MGRN1: variants seen among roughly 807,000 people sequenced by gnomAD.
MGRN1 encodes E3 ubiquitin-protein ligase MGRN1.
MGRN1 carries 29 observed loss-of-function variants against 69.2 expected under a neutral mutation model. That is an observed-to-expected ratio of 0.42 (90% CI 0.31 to 0.57). The LOEUF is 0.57. Among genes scored for constraint, MGRN1 ranks in the 20% least tolerant of loss-of-function variants. The pLI is 0.15. For missense variants in MGRN1, 998 were observed against 796.2 expected (o/e 1.25, Z -3.05); for synonymous variants, 470 against 344.2 (o/e 1.37, Z -4.04).
At chr16:4,683,387 C>T (rs1262705194) in intron 15 of MGRN1, 118 bp downstream of exon 15, 19 of 1,237,876 alleles carry the variant, frequency 1.5e-5, no homozygotes, top group Admixed American at 6.6e-5. Flanking sequence ...CAGGAACCCT[C>T]GGCCAAGAGG....
chr16:4,676,541 C>T (rs1167219093), intron 10 of MGRN1, among the ~76,000 whole-genome samples: 2 of 152,162 alleles, frequency 1.3e-5, no homozygotes, highest in East Asian at 1.9e-4. Context: ...GGTAGAGGGG[C>T]CCCTCACAGG....
chr16:4,647,613 G>A (rs1047851309), intron 1 of MGRN1, among the ~76,000 whole-genome samples: 6 of 152,230 alleles, frequency 3.9e-5, no homozygotes, highest in Non-Finnish European at 8.8e-5. Context: ...AGTGCGTGCG[G>A]TGACCCCTCA....
chr16:4,650,017 T>C, intron 1 of MGRN1: 2 of 190,624 alleles, frequency 1.0e-5, no homozygotes, highest in South Asian at 7.9e-5. Flanking sequence ...GATAACTGTT[T>C]CCAGGCTGGG....
At chr16:4,677,372 G>T (rs1337426395) in intron 10 of MGRN1, 91 bp from the exon 11 acceptor site, 12 of 973,564 alleles carry the variant, frequency 1.2e-5, no homozygotes, top group South Asian at 1.7e-5. Flanking sequence ...CCCCTATGGT[G>T]TGGGGGGGGT....
At chr16:4,638,020 G>T (rs1249247575) in intron 1 of MGRN1, among the ~76,000 whole-genome samples, 1 of 152,350 alleles carries the variant, frequency 6.6e-6, no homozygotes, top group East Asian at 1.9e-4. Flanking sequence ...CCAGAGCCCT[G>T]TATTTAATAT....
At chr16:4,687,863 GTCT>G (rs1008150629) in intron 16 of MGRN1, 40 of 985,402 alleles carry the variant, frequency 4.1e-5, no homozygotes, top group African/African-American at 8.7e-5. Flanking sequence ...ATGAACCTCT[GTCT>G]TCTTGAGCCC....
At chr16:4,651,896 C>G in intron 2 of MGRN1, 67 bp from the exon 3 acceptor site, 1 of 1,446,202 alleles carries the variant, frequency 6.9e-7, no homozygotes, top group Non-Finnish European at 9.7e-7. Flanking sequence ...CTGCTGCACC[C>G]TGACCCGTTT....
At chr16:4,645,247 C>T (rs1383009865) in intron 1 of MGRN1, among the ~76,000 whole-genome samples, 4 of 151,978 alleles carry the variant, frequency 2.6e-5, no homozygotes, top group South Asian at 4.1e-4. Context: ...ACTGCAGCCT[C>T]GAACTCTTGG....
rs1449630829 is a variant in MGRN1, at chr16:4,657,309, G to C, written c.507G>C (p.Gln169His). 6.2e-7 allele frequency: 1 copy of C among 1,614,196 alleles called. No homozygotes were observed. The highest frequency in any genetic ancestry group is 2.2e-5 in the East Asian group (1 of 44,890). Reference sequence around the variant, plus strand: ...TCCACTACAAGAGAGGGGTGAGCCAGCAGTTCTCCCTGCCCTCCTTCAAGA... The same window carrying C: ...TCCACTACAAGAGAGGGGTGAGCCACCAGTTCTCCCTGCCCTCCTTCAAGA... ...ETVHYKRGVS[Q>H]QFSLPSFKID... Residue 169 changes from glutamine to histidine, a missense_variant, in exon 5 of 17, where the codon CAG becomes CAC. Transcript: ENST00000262370.
intron 8 of MGRN1, among the ~76,000 whole-genome samples, chr16:4,669,682 TCTC>T (rs1567219000): frequency 1.3e-5 from 2 of 152,260 alleles, no homozygotes; most frequent in East Asian, 1.9e-4. Context: ...TGCAACTCCT[TCTC>T]CTCTTCCTTA....
At chr16:4,636,375 G>A (rs1898291784) in intron 1 of MGRN1, among the ~76,000 whole-genome samples, 1 of 152,220 alleles carries the variant, frequency 6.6e-6, no homozygotes, top group Non-Finnish European at 1.5e-5. Context: ...ATGGCCGGGC[G>A]GGGTTTGTGA....
chr16:4,672,278 C>A (rs1171989112), intron 9 of MGRN1: 2 of 448,244 alleles, frequency 4.5e-6, no homozygotes, highest in African/African-American at 2.0e-5. Flanking sequence ...AACTTCTGAT[C>A]TCAAGTGATC....
chr16:4,653,455 G>T (rs978330531), intron 4 of MGRN1, among the ~76,000 whole-genome samples: 2 of 152,160 alleles, frequency 1.3e-5, no homozygotes, highest in African/African-American at 4.8e-5. Flanking sequence ...GGATGGGGCT[G>T]GGCTGAAATT....
At chr16:4,645,915 G>A (rs917370554) in intron 1 of MGRN1, among the ~76,000 whole-genome samples, 2 of 152,210 alleles carry the variant, frequency 1.3e-5, no homozygotes, top group African/African-American at 4.8e-5. Flanking sequence ...TGGTGCCAGA[G>A]GCTCTAACCA....
In MGRN1 at chr16:4,681,672, C is replaced by T. The variant is rs1567235794; in HGVS notation, c.1254C>T (p.Gly418=). The T allele has an allele frequency of 6.2e-7, 1 of 1,613,504 alleles. No homozygotes were observed. Among genetic ancestry groups the T allele is most frequent in the Non-Finnish European group, 8.5e-7 (1 of 1,180,016 alleles). Residue 418 remains glycine, a synonymous_variant, in exon 13 of 17, where the codon GGC becomes GGT. Coordinates refer to ENST00000262370, the MANE Select transcript of MGRN1 (RefSeq NM_015246.4). The part of the protein sequence containing the change: ...APLYEEITYS[G]ISDGLSQASC... ...TTTATGAAGAAATCACCTATTCAGG[C>T]ATCTCGGACGGCCTGTCCCAGGCCA...
At chr16:4,655,749 C>G (rs1399947715) in intron 4 of MGRN1, among the ~76,000 whole-genome samples, 1 of 152,192 alleles carries the variant, frequency 6.6e-6, no homozygotes, top group Non-Finnish European at 1.5e-5. Flanking sequence ...GAGGCTGTGC[C>G]CAGGCACCCG....
At chr16:4,661,204 C>T (rs1596294512) in intron 5 of MGRN1, among the ~76,000 whole-genome samples, 1 of 151,912 alleles carries the variant, frequency 6.6e-6, no homozygotes, top group Middle Eastern at 3.4e-3. Flanking sequence ...GTCTCAAACT[C>T]CCGGGCTCCA....
intron 1 of MGRN1, among the ~76,000 whole-genome samples, chr16:4,636,445 C>T (rs893423525): frequency 3.9e-5 from 6 of 152,084 alleles, no homozygotes; most frequent in South Asian, 2.1e-4. Context: ...TGCCCGTGGA[C>T]GGGCTCCGGG....
intron 1 of MGRN1, among the ~76,000 whole-genome samples, chr16:4,643,185 C>A (rs1370702019): frequency 1.3e-5 from 2 of 151,902 alleles, no homozygotes; most frequent in Non-Finnish European, 2.9e-5. Flanking sequence ...CAATCTCGAT[C>A]TCCTGACCTT....
Sources: gnomAD v4.1 joint callset for allele counts (sites outside exome capture counted in the v4.1 genomes callset) on GRCh38, gnomAD v4.1.1 for gene constraint, MANE v1.5 for transcripts, NCBI Gene and HGNC (gene_info 2026-07-23, HGNC 2026-07-21) for gene names.